CEP85: variants seen among roughly 807,000 people sequenced by gnomAD.
CEP85 encodes centrosomal protein 85.
A neutral mutation model predicts 93.7 loss-of-function variants in CEP85; 58 were observed. That is an observed-to-expected ratio of 0.62 (90% CI 0.50 to 0.77). The LOEUF (loss-of-function observed/expected upper bound fraction) is 0.77, where lower values mean the gene tolerates loss of function less well. Among genes scored for constraint, CEP85 ranks in the 30% least tolerant of loss-of-function variants. The pLI is 0.00. For missense variants in CEP85, 868 were observed against 922.0 expected (o/e 0.94, Z 0.76); for synonymous variants, 314 against 338.6 (o/e 0.93, Z 0.80).
chr1:26,268,590 G>A lies in CEP85; in HGVS notation c.1449G>A (p.Leu483=). The A allele has an allele frequency of 6.2e-7, 1 of 1,613,926 alleles. No individual in the cohort carries two copies. Among genetic ancestry groups the A allele is most frequent in the Non-Finnish European group, 8.5e-7 (1 of 1,179,890 alleles). Residue 483 remains leucine (L), a synonymous_variant, in exon 8 of 14, where the codon CTG becomes CTA. Transcript: ENST00000451429. ...QQRIETLERY[L]ADLPTLEDHQ... is the part of the protein sequence containing the mutation. The stretch of plus-strand genomic sequence containing the variant: ...GTATTGAGACCTTGGAGCGCTACCT[G>A]GCTGACCTGCCCACACTGGAAGACC...
At chr1:26,258,890 C>T (rs1312251036) in intron 6 of CEP85, among the ~76,000 whole-genome samples, 1 of 152,010 alleles carries the variant, frequency 6.6e-6, no homozygotes, top group Non-Finnish European at 1.5e-5. Context: ...TCACTGCACC[C>T]GGGCATTCTC....
intron 2 of CEP85, among the ~76,000 whole-genome samples, 153 bp from the exon 3 acceptor site, chr1:26,244,013 A>G (rs373125492): frequency 2.0e-4 from 27 of 132,996 alleles, no homozygotes; most frequent in South Asian, 1.6e-3. Flanking sequence ...AAAAAAAAAA[A>G]AAAACTAGAT....
intron 10 of CEP85, among the ~76,000 whole-genome samples, 179 bp downstream of exon 10, chr1:26,271,286 G>C (rs1392668166): frequency 6.6e-6 from 1 of 152,150 alleles, no homozygotes; most frequent in Non-Finnish European, 1.5e-5. Flanking sequence ...AGTCATCCTT[G>C]TAACAGGCAA....
intron 11 of CEP85, among the ~76,000 whole-genome samples, chr1:26,273,779 C>G (rs1315297701): frequency 2.0e-5 from 3 of 151,970 alleles, no homozygotes; most frequent in Admixed American, 2.0e-4. Context: ...CACCTGTAGT[C>G]CCAGCTACTT....
At chr1:26,244,976 G>A (rs765872623) in intron 3 of CEP85, among the ~76,000 whole-genome samples, 6 of 152,122 alleles carry the variant, frequency 3.9e-5, no homozygotes, top group Admixed American at 6.6e-5. Context: ...TTCTGTGATC[G>A]TCCCTATCCC....
At chr1:26,247,054 T>G (rs971130972) in intron 3 of CEP85, among the ~76,000 whole-genome samples, 1 of 152,176 alleles carries the variant, frequency 6.6e-6, no homozygotes, top group Non-Finnish European at 1.5e-5. Context: ...GGGATTAAAT[T>G]CTCACAGGAG....
chr1:26,252,157 G>C (rs2089627216), intron 3 of CEP85, among the ~76,000 whole-genome samples: 1 of 152,132 alleles, frequency 6.6e-6, no homozygotes, highest in Non-Finnish European at 1.5e-5. Flanking sequence ...CTTGAACCCA[G>C]GAGGCAGAGG....
At position 26,277,318 on chromosome 1, in the gene CEP85, G is replaced by A. The variant is rs1179488065; in HGVS notation, c.*25G>A. Reference sequence around the variant, plus strand: ...AGGAATTCTGGGGGATTCCCCCAGGGAGGAGCTGGGCTGCTGAGAGCCTAG... The same window carrying A: ...AGGAATTCTGGGGGATTCCCCCAGGAAGGAGCTGGGCTGCTGAGAGCCTAG... On this transcript the variant is annotated 3_prime_UTR_variant, in exon 14 of 14. Transcript: ENST00000451429. 1 of 1,599,104 alleles carries A rather than the reference G, an allele frequency of 6.3e-7. No individual in the cohort carries two copies. Among genetic ancestry groups the A allele is most frequent in the Non-Finnish European group, 8.6e-7 (1 of 1,167,242 alleles).
Position 26,255,855 on chromosome 1 carries a change from A to T in CEP85, c.893A>T (p.Glu298Val). Residue 298 changes from glutamate to valine, a missense_variant, in exon 4 of 14, where the codon GAG (glutamate) becomes GTG (valine). Coordinates refer to ENST00000451429, the MANE Select transcript of CEP85 (RefSeq NM_001319944.2). ...QQLELIRLQM[E>V]QMQLQNGAIC... ...CTGGAATTGATTCGTTTACAGATGG[A>T]GCAAATGCAGGTAGAGGTCTATCTT... 1 of 1,606,352 alleles carries T rather than the reference A, an allele frequency of 6.2e-7. No individual in the cohort carries two copies. Among genetic ancestry groups the T allele is most frequent in the Non-Finnish European group, 8.5e-7 (1 of 1,174,490 alleles).
chr1:26,271,787 T>C, intron 10 of CEP85: 1 of 511,124 alleles, frequency 2.0e-6, no homozygotes, highest in East Asian at 3.0e-5. Context: ...AGTGGTTATG[T>C]GTTCACACTA....
rs750153502 is a variant in CEP85 at position 26,255,568 on chromosome 1, C to G, written c.606C>G (p.His202Gln). 17 of 1,614,056 alleles carry G rather than the reference C, an allele frequency of 1.1e-5. No individual in the cohort carries two copies. The South Asian group carries it at 1.9e-4, about 18-fold the overall frequency. The change falls in exon 4 of 14, where the codon CAC becomes CAG. Residue 202 changes from histidine (H) to glutamine (Q), a missense_variant. Physicochemically the swap from His to Gln is conservative, Grantham distance 24. Transcript: ENST00000451429. Reference protein sequence around the residue: ...AMMETLYSDPHHRVRFHNPRT... With the variant: ...AMMETLYSDPQHRVRFHNPRT... ...TGGAGACACTTTATTCAGATCCTCA[C>G]CACCGAGTCCGCTTCCACAACCCAA... is the stretch of plus-strand genomic sequence containing the variant.
At chr1:26,256,679 A>T (rs1413846584) in intron 4 of CEP85, among the ~76,000 whole-genome samples, 10 of 143,062 alleles carry the variant, frequency 7.0e-5, no homozygotes, top group Non-Finnish European at 1.5e-4. Context: ...GCTCACTGCA[A>T]CCTCTACCTC....
intron 5 of CEP85, 58 bp downstream of exon 5, chr1:26,257,788 A>C: frequency 1.3e-6 from 2 of 1,573,516 alleles, no homozygotes; most frequent in Non-Finnish European, 1.7e-6. Context: ...CATTGAAGAC[A>C]CCTAATGGAG....
intron 2 of CEP85, among the ~76,000 whole-genome samples, 164 bp from the exon 3 acceptor site, chr1:26,244,002 A>C (rs1044116639): frequency 4.2e-4 from 15 of 36,072 alleles, no homozygotes; most frequent in African/African-American, 8.4e-4. Context: ...AAAAAAAAAA[A>C]AAAAAAAAAA....
intron 3 of CEP85, 117 bp downstream of exon 3, chr1:26,244,435 T>C: frequency 2.2e-6 from 2 of 906,308 alleles, no homozygotes; most frequent in East Asian, 2.6e-5. Flanking sequence ...CGTCATTCCA[T>C]TTCATTCAAG....
chr1:26,242,404 A>C (rs1026603740), intron 2 of CEP85, among the ~76,000 whole-genome samples: 2 of 152,192 alleles, frequency 1.3e-5, no homozygotes, highest in African/African-American at 4.8e-5. Context: ...GGCTAATCTC[A>C]TGCCGCTCAG....
At chr1:26,251,103 C>A (rs538122979) in intron 3 of CEP85, among the ~76,000 whole-genome samples, 1 of 151,346 alleles carries the variant, frequency 6.6e-6, no homozygotes, top group South Asian at 2.1e-4. Context: ...CCATCATGCC[C>A]AGCTAATTTT....
At chr1:26,273,932 A>AAT (rs58790922) in intron 11 of CEP85, among the ~76,000 whole-genome samples, 43 of 145,812 alleles carry the variant, frequency 2.9e-4, no homozygotes, top group Admixed American at 7.5e-4. Flanking sequence ...AAATAAATAA[A>AAT]ATATATATAT....
intron 7 of CEP85, among the ~76,000 whole-genome samples, chr1:26,260,224 C>G (rs939549976): frequency 6.6e-6 from 1 of 152,184 alleles, no homozygotes; most frequent in Non-Finnish European, 1.5e-5. Context: ...GGCATGGTGG[C>G]TCACGCCTGT....
Sources: gnomAD v4.1 joint callset for allele counts (sites outside exome capture counted in the v4.1 genomes callset) on GRCh38, gnomAD v4.1.1 for gene constraint, MANE v1.5 for transcripts, NCBI Gene and HGNC (gene_info 2026-07-23, HGNC 2026-07-21) for gene names.